The following PRKCI variants were observed in gnomAD, a reference collection of about 807,000 sequenced individuals.
The protein encoded by PRKCI is protein kinase C iota.
A neutral mutation model predicts 84.0 loss-of-function variants in PRKCI; 43 were observed. That is an observed-to-expected ratio of 0.51 (90% CI 0.40 to 0.66). PRKCI has a LOEUF of 0.66. PRKCI is among the 30% of genes least tolerant of loss of function. The pLI, the probability that PRKCI is intolerant of heterozygous loss-of-function variation, is 0.00. For synonymous variants in PRKCI, 216 were observed against 234.4 expected, an observed-to-expected ratio of 0.92 and a Z score of 0.72; for missense variants, 459 against 745.6, an observed-to-expected ratio of 0.62 and a Z score of 4.48.
In PRKCI at chr3:170,280,023, C is replaced by A. The variant is rs112456908; in HGVS notation, c.706-204C>A. The A allele has an allele frequency of 8.9e-4, 360 of 402,992 alleles. 4 individuals carry two copies. Among genetic ancestry groups the A allele is most frequent in the African/African-American group, 4.9e-3 (237 of 48,558 alleles). 25.0% of individuals were successfully genotyped at this position (402,992 alleles called of 1,614,324 possible). A position where few individuals can be genotyped will look rare whatever the true frequency, so the allele number is the denominator to read the frequency against. On this transcript the variant is annotated intron_variant, in intron 8 of 17. Transcript: ENST00000295797. ...ACTCCCTCCCCATTCTTATTACCAT[C>A]CCTCTTATCTCAAAATTCATCCATA...
chr3:170,277,005 CAG>C (rs1349727017), intron 8 of PRKCI, among the ~76,000 whole-genome samples: 1 of 150,980 alleles, frequency 6.6e-6, no homozygotes, highest in Non-Finnish European at 1.5e-5. Flanking sequence ...CTTTGGGAGG[CAG>C]AGTCAGGCAG....
At position 170,270,501 on chromosome 3, in the gene PRKCI, G is replaced by A. The variant is rs1354464722; in HGVS notation, c.531G>A (p.Leu177=). The change falls in exon 6 of 18, where the codon TTG becomes TTA. Residue 177 remains leucine (L), a synonymous_variant. Coordinates refer to ENST00000295797, the MANE Select transcript of PRKCI (RefSeq NM_002740.6). ...QGYKCINCKL[L]VHKKCHKLVT... is the part of the protein sequence containing the mutation. ...ATAAGTGCATCAACTGCAAACTCTT[G>A]GTTCATAAGAAGTGCCATAAACTCG... 2.5e-6 allele frequency: 4 copies of A among 1,613,208 alleles called. No homozygotes were observed. The highest frequency in any genetic ancestry group is 3.4e-6 in the Non-Finnish European group (4 of 1,179,856).
At position 170,263,939 on chromosome 3, in the gene PRKCI, T is replaced by G. The variant is rs536969950; in HGVS notation, c.364+510T>G. Among the ~76,000 whole-genome samples the G allele has an allele frequency of 1.8e-3, 271 of 152,372 alleles. 1 individual carries two copies. The highest frequency in any genetic ancestry group is 5.4e-3 in the African/African-American group (224 of 41,594). On this transcript the variant is annotated intron_variant, in intron 4 of 17. Coordinates refer to ENST00000295797, the MANE Select transcript of PRKCI (RefSeq NM_002740.6). The stretch of plus-strand genomic sequence containing the variant: ...AGATAGTTCTTAGTTACAACTTACA[T>G]GATTGCCTGTTGCACATATGAAAGG...
intron 17 of PRKCI, among the ~76,000 whole-genome samples, chr3:170,300,683 A>AT (rs201572419): frequency 0.022 from 2,989 of 138,310 alleles, 83 homozygotes; most frequent in African/African-American, 0.062. Context: ...ATTGTCTTGA[A>AT]TTTTTTTTTT....
intron 15 of PRKCI, among the ~76,000 whole-genome samples, chr3:170,296,673 C>G (rs910953202): frequency 1.3e-5 from 2 of 151,876 alleles, no homozygotes; most frequent in Non-Finnish European, 1.5e-5. Context: ...AAAAAATGAA[C>G]AATTTATGTG....
chr3:170,253,579 C>G (rs1209818803), intron 2 of PRKCI, among the ~76,000 whole-genome samples: 1 of 152,028 alleles, frequency 6.6e-6, no homozygotes, highest in Admixed American at 6.6e-5. Context: ...ATCTTGAGGT[C>G]AGGAAATCGA....
intron 12 of PRKCI, among the ~76,000 whole-genome samples, chr3:170,285,532 T>C (rs1316159657): frequency 6.6e-6 from 1 of 152,206 alleles, no homozygotes; most frequent in Non-Finnish European, 1.5e-5. Flanking sequence ...AATGTGTGAA[T>C]TGCATTCCCT....
At chr3:170,285,626 G>A (rs1170722789) in intron 12 of PRKCI, among the ~76,000 whole-genome samples, 2 of 152,068 alleles carry the variant, frequency 1.3e-5, no homozygotes, top group Non-Finnish European at 2.9e-5. Context: ...TTGTATCGAA[G>A]ATTTAACTTT....
At chr3:170,237,913 A>G (rs1354605978) in intron 2 of PRKCI, among the ~76,000 whole-genome samples, 2 of 152,112 alleles carry the variant, frequency 1.3e-5, no homozygotes, top group Non-Finnish European at 2.9e-5. Context: ...TATATTTTCT[A>G]TGCATTTGCA....
rs1734912583 is a variant in PRKCI at position 170,304,694 on chromosome 3, TCAG to T, written c.*1572_*1574del. 6.6e-6 allele frequency: 1 copy of T among 152,156 alleles called. No individual in the cohort carries two copies. Among genetic ancestry groups the T allele is most frequent in the Non-Finnish European group, 1.5e-5 (1 of 68,020 alleles). The allele number at this position is 152,156 out of a possible 1,614,324, so 9.4% of individuals were successfully genotyped here. On this transcript the variant is annotated 3_prime_UTR_variant, in exon 18 of 18. Transcript: ENST00000295797. ...GATTATTTTTTATGGATATTAGTGT[TCAG>T]CAGCTTATTATTTAAAGGGGTGCCA...
In PRKCI at chr3:170,293,537, C is replaced by G. The variant is rs370545249; in HGVS notation, c.1417+29C>G. The stretch of plus-strand genomic sequence containing the variant: ...ATTTGGAGTATTTTACAGAGATTCT[C>G]TGAGAAAAACCTATTCTAGAGTACA... On this transcript the variant is annotated intron_variant, in intron 14 of 17. Transcript: ENST00000295797. 109 of 1,603,494 alleles carry G rather than the reference C, an allele frequency of 6.8e-5. No individual in the cohort carries two copies. In the African/African-American group the frequency reaches 1.3e-3, roughly 19 times the overall value.
intron 2 of PRKCI, 51 bp downstream of exon 2, chr3:170,235,402 T>C (rs753359968): frequency 6.3e-6 from 10 of 1,582,554 alleles, no homozygotes; most frequent in African/African-American, 4.1e-5. Flanking sequence ...GATCTTATTC[T>C]ATCATTTGTT....
Position 170,305,241 on chromosome 3 carries a change from T to G in PRKCI, c.*2114T>G, listed in dbSNP as rs528936463. On this transcript the variant is annotated 3_prime_UTR_variant, in exon 18 of 18. Transcript: ENST00000295797. ...AATCACCTAGGAAGTTGGTTTAAAA[T>G]GCACACTAGTGAGCCCACCTTAGAC... The G allele has an allele frequency of 6.5e-6, 1 of 152,778 alleles. No homozygotes were observed. Among genetic ancestry groups the G allele is most frequent in the South Asian group, 2.1e-4 (1 of 4,830 alleles). 9.5% of individuals were successfully genotyped at this position (152,778 alleles called of 1,614,324 possible). A position where few individuals can be genotyped will look rare whatever the true frequency, so the allele number is the denominator to read the frequency against.
chr3:170,235,366 C>G lies in PRKCI; in HGVS notation c.223+15C>G, dbSNP rs774108213. 5.0e-6 allele frequency: 8 copies of G among 1,612,924 alleles called. No individual in the cohort carries two copies. In the East Asian group the frequency reaches 1.6e-4, roughly 31 times the overall value. On this transcript the variant is annotated intron_variant, in intron 2 of 17. Transcript: ENST00000295797. ...AGATGAGGAAGGTGAGTGGTAAAGA[C>G]AGGGCTGCCTGTGTAAGCATTTTAA...
At chr3:170,286,585 G>A (rs1447976611) in intron 12 of PRKCI, among the ~76,000 whole-genome samples, 1 of 146,380 alleles carries the variant, frequency 6.8e-6, no homozygotes, top group African/African-American at 2.5e-5. Context: ...TGTCACTGGT[G>A]TGTATATAAA....
intron 2 of PRKCI, among the ~76,000 whole-genome samples, chr3:170,250,082 C>T (rs1203001814): frequency 6.6e-6 from 1 of 151,678 alleles, no homozygotes; most frequent in Non-Finnish European, 1.5e-5. Flanking sequence ...TTGAGACCAG[C>T]CTGGCCTCTG....
intron 2 of PRKCI, among the ~76,000 whole-genome samples, chr3:170,256,325 T>C (rs898482825): frequency 6.6e-5 from 10 of 152,208 alleles, no homozygotes; most frequent in African/African-American, 1.9e-4. Flanking sequence ...TGAGAGACTT[T>C]TTATTATGGC....
At position 170,296,654 on chromosome 3, in the gene PRKCI, A is replaced by G. The variant is rs549882206; in HGVS notation, c.1498-650A>G. On this transcript the variant is annotated intron_variant, in intron 15 of 17. Transcript: ENST00000295797. ...TGAGTTTTAATAAAATAAGAAATTG[A>G]AGCCTTTTAAAAAATGAACAATTTA... 1.5e-3 allele frequency among the ~76,000 whole-genome samples: 224 copies of G among 152,278 alleles called. 2 individuals carry two copies. The highest frequency in any genetic ancestry group is 4.6e-3 in the African/African-American group (191 of 41,572).
intron 2 of PRKCI, among the ~76,000 whole-genome samples, chr3:170,251,177 AT>A (rs1334607845): frequency 3.9e-5 from 6 of 152,346 alleles, no homozygotes; most frequent in African/African-American, 1.4e-4. Context: ...CGAAACTTGA[AT>A]GAATGGTTTG....
Sources: allele counts gnomAD v4.1 joint callset (sites outside exome capture counted in the v4.1 genomes callset), GRCh38; gene constraint gnomAD v4.1.1; transcripts MANE v1.5; gene names NCBI Gene and HGNC (gene_info 2026-07-23, HGNC 2026-07-21).